The following SDC3 variants were observed in gnomAD, a reference collection of about 807,000 sequenced individuals.
SDC3 encodes syndecan-3.
SDC3 carries 13 observed loss-of-function variants against 24.4 expected under a neutral mutation model. The ratio of observed to expected loss-of-function variants is 0.53; its 90% CI spans 0.35 to 0.85. SDC3 has a LOEUF of 0.85. Ranked by LOEUF, SDC3 falls within the 40% of genes least tolerant of loss-of-function variation. The pLI, the probability that SDC3 is intolerant of heterozygous loss-of-function variation, is 0.01. For synonymous variants in SDC3, 295 were observed against 260.9 expected, an observed-to-expected ratio of 1.13 and a Z score of -1.26; for missense variants, 571 against 584.5, an observed-to-expected ratio of 0.98 and a Z score of 0.24.
In SDC3 at chr1:30,869,877, C is replaced by T. The variant is rs1452665328; in HGVS notation, c.*3334G>A. The T allele has an allele frequency of 1.8e-5, 7 of 398,540 alleles. No homozygotes were observed. Among genetic ancestry groups the T allele is most frequent in the Admixed American group, 1.3e-4 (3 of 22,712 alleles). 24.7% of individuals were successfully genotyped at this position (398,540 alleles called of 1,614,324 possible). A position where few individuals can be genotyped will look rare whatever the true frequency, so the allele number is the denominator to read the frequency against. On this transcript the variant is annotated 3_prime_UTR_variant, in exon 5 of 5. Coordinates refer to ENST00000339394, the MANE Select transcript of SDC3 (RefSeq NM_014654.4). ...GCTGCCTACGAAAAATATTTACATG[C>T]ATTTGCCACGCTGAGGCCAGGGTCA...
At position 30,870,634 on chromosome 1, in the gene SDC3, T is replaced by G. The variant is rs894360403; in HGVS notation, c.*2577A>C. Reference sequence around the variant, plus strand: ...CATCTGCCTTGGGTCCAGGGATCCATGAACAAGGCCCCTGGCCTCTTCTCT... The same window carrying G: ...CATCTGCCTTGGGTCCAGGGATCCAGGAACAAGGCCCCTGGCCTCTTCTCT... On this transcript the variant is annotated 3_prime_UTR_variant, in exon 5 of 5. Transcript: ENST00000339394. 1 of 152,214 alleles carries G rather than the reference T, an allele frequency of 6.6e-6. No homozygotes were observed. The highest frequency in any genetic ancestry group is 2.4e-5 in the African/African-American group (1 of 41,428). The allele number at this position is 152,214 out of a possible 1,614,324, so 9.4% of individuals were successfully genotyped here.
intron 1 of SDC3, among the ~76,000 whole-genome samples, chr1:30,885,247 T>C (rs918790637): frequency 7.9e-5 from 12 of 152,224 alleles, no homozygotes; most frequent in South Asian, 2.1e-4. Context: ...ATGCTGGCTA[T>C]TAATATGAGT....
Position 30,873,218 on chromosome 1 carries a change from T to C in SDC3, c.1322A>G (p.Tyr441Cys), listed in dbSNP as rs1425165949. The C allele has an allele frequency of 8.7e-6, 14 of 1,613,014 alleles. No individual in the cohort carries two copies. The highest frequency in any genetic ancestry group is 1.2e-5 in the Non-Finnish European group (14 of 1,179,124). The change falls in exon 5 of 5, where the codon TAT (tyrosine) becomes TGT (cysteine). Residue 441 changes from tyrosine (Y) to cysteine (C), a missense_variant. Transcript: ENST00000339394. ...GGAGGCACTGTGGCTCCACTAGGCA[T>C]AGAACTCCTCCTGCTTGTCAGGCTT... is the stretch of plus-strand genomic sequence containing the variant. ...YQKPDKQEEF[Y>C]A
Position 30,897,917 on chromosome 1 carries a change from C to T in SDC3, c.138+10532G>A, listed in dbSNP as rs1185487870. On this transcript the variant is annotated intron_variant, in intron 1 of 4. Transcript: ENST00000339394. Reference sequence around the variant, plus strand: ...TCAATGGGCAGAACTCAATATGTCACCTCCAAGCTCCGGCATCTCATGCTA... The same window carrying T: ...TCAATGGGCAGAACTCAATATGTCATCTCCAAGCTCCGGCATCTCATGCTA... 2.0e-5 allele frequency among the ~76,000 whole-genome samples: 3 copies of T among 152,178 alleles called. No homozygotes were observed. In the East Asian group the frequency reaches 5.8e-4, roughly 29 times the overall value.
At chr1:30,877,283 A>G in intron 2 of SDC3, 118 bp from the exon 3 acceptor site, 5 of 1,333,096 alleles carry the variant, frequency 3.8e-6, no homozygotes, top group Non-Finnish European at 5.2e-6. Flanking sequence ...TCTTTACCCA[A>G]TTTTCCCAGA....
At chr1:30,905,340 C>A (rs374504657) in intron 1 of SDC3, among the ~76,000 whole-genome samples, 1,270 of 72,156 alleles carry the variant, frequency 0.018, 38 homozygotes, top group African/African-American at 0.066. Context: ...CCCATCCGTA[C>A]TCTCTCTCTC....
chr1:30,888,325 A>G (rs531870523), intron 1 of SDC3, among the ~76,000 whole-genome samples: 3 of 152,320 alleles, frequency 2.0e-5, no homozygotes, highest in African/African-American at 4.8e-5. Context: ...GGAGGCCCCT[A>G]AGAGCAGAAG....
chr1:30,908,817 G>C (rs1638592060), upstream of SDC3: 1 of 128,046 alleles, frequency 7.8e-6, no homozygotes, highest in Non-Finnish European at 1.7e-5. Flanking sequence ...CGCCCCCAGC[G>C]CGGGCGGAAC....
rs150268331 is a variant in SDC3 at position 30,874,722 on chromosome 1, G to A, written c.871-134C>T. ...GCACTGTGCTACACACTATCCCCAT[G>A]AAGGAGTGTAACAATGCCCCCAGTT... On this transcript the variant is annotated intron_variant, in intron 3 of 4. Coordinates refer to ENST00000339394, the MANE Select transcript of SDC3 (RefSeq NM_014654.4). The A allele has an allele frequency of 4.6e-4, 375 of 818,344 alleles. 3 individuals carry two copies. The South Asian group carries it at 5.1e-3, about 11-fold the overall frequency. The allele number at this position is 818,344 out of a possible 1,614,324, so 50.7% of individuals were successfully genotyped here. A position where few individuals can be genotyped will look rare whatever the true frequency, so the allele number is the denominator to read the frequency against.
At chr1:30,893,905 T>C (rs1451996475) in intron 1 of SDC3, among the ~76,000 whole-genome samples, 1 of 152,076 alleles carries the variant, frequency 6.6e-6, no homozygotes, top group Non-Finnish European at 1.5e-5. Context: ...GTTGGTTTTT[T>C]AGTGCAGGGT....
At position 30,870,094 on chromosome 1, in the gene SDC3, C is replaced by A. The variant is rs758888795; in HGVS notation, c.*3117G>T. ...GAAATCCAGAGAACACAGGAGGCAG[C>A]CACTCCTACCCCATGAGGCAGAGGG... On this transcript the variant is annotated 3_prime_UTR_variant, in exon 5 of 5. Transcript: ENST00000339394. The A allele has an allele frequency of 1.0e-5, 4 of 394,386 alleles. No homozygotes were observed. The highest frequency in any genetic ancestry group is 1.3e-5 in the Non-Finnish European group (3 of 224,030). The allele number at this position is 394,386 out of a possible 1,614,324, so 24.4% of individuals were successfully genotyped here.
Position 30,877,161 on chromosome 1 carries a change from G to C in SDC3, c.261C>G (p.Phe87Leu), listed in dbSNP as rs373481996. 2 of 1,613,808 alleles carry C rather than the reference G, an allele frequency of 1.2e-6. No homozygotes were observed. The highest frequency in any genetic ancestry group is 1.7e-6 in the Non-Finnish European group (2 of 1,179,976). Reference protein sequence around the residue: ...DLYSGSGSGYFEQESGIETAM... With the variant: ...DLYSGSGSGYLEQESGIETAM... Reference sequence around the variant, plus strand: ...CTGTCTCAATGCCCGACTCCTGCTCGAAGTCTGAGGGGGTGGGGGAGAGGG... The same window carrying C: ...CTGTCTCAATGCCCGACTCCTGCTCCAAGTCTGAGGGGGTGGGGGAGAGGG... Residue 87 changes from phenylalanine to leucine, a missense_variant, in exon 3 of 5, where the codon TTC becomes TTG. Physicochemically the swap from Phe to Leu is conservative, Grantham distance 22. This residue lies in a region of SDC3 where 497 missense variants were observed against 471.6 expected (regional missense o/e 1.05). Coordinates refer to ENST00000339394, the MANE Select transcript of SDC3 (RefSeq NM_014654.4).
At chr1:30,884,058 C>T (rs1011885014) in intron 1 of SDC3, among the ~76,000 whole-genome samples, 2 of 152,090 alleles carry the variant, frequency 1.3e-5, no homozygotes, top group African/African-American at 4.8e-5. Flanking sequence ...AATTGGGAGC[C>T]GGGACCAGGA....
At chr1:30,894,419 GGTGA>G (rs138136502) in intron 1 of SDC3, among the ~76,000 whole-genome samples, 5 of 114,402 alleles carry the variant, frequency 4.4e-5, no homozygotes, top group African/African-American at 3.6e-5. Context: ...TGTGTGTGGG[GGTGA>G]GTGTGTGCAT....
chr1:30,869,556 A>AAC lies in SDC3; in HGVS notation c.*3654_*3655insGT, dbSNP rs1557509282. Reference sequence around the variant, plus strand: ...ACAAACAAAAAAAAAAAAAAAAAAAAAAAAACAAAAACAAAACCAGTTCCT... The same window carrying AAC: ...ACAAACAAAAAAAAAAAAAAAAAAAAACAAAAACAAAAACAAAACCAGTTCCT... On this transcript the variant is annotated 3_prime_UTR_variant, in exon 5 of 5. Transcript: ENST00000339394. 1,675 of 363,740 alleles carry AAC rather than the reference A, an allele frequency of 4.6e-3. 7 individuals are homozygous for AAC. The highest frequency in any genetic ancestry group is 0.021 in the African/African-American group (840 of 40,952). The allele number at this position is 363,740 out of a possible 1,614,324, so 22.5% of individuals were successfully genotyped here. A position where few individuals can be genotyped will look rare whatever the true frequency, so the allele number is the denominator to read the frequency against.
intron 1 of SDC3, among the ~76,000 whole-genome samples, chr1:30,887,179 C>T (rs915606235): frequency 5.3e-5 from 8 of 152,032 alleles, no homozygotes; most frequent in African/African-American, 1.4e-4. Flanking sequence ...CAGGTAGGCA[C>T]CCCCTGCCCC....
intron 1 of SDC3, 137 bp from the exon 2 acceptor site, chr1:30,878,877 A>G (rs1423900588): frequency 8.6e-6 from 6 of 697,066 alleles, no homozygotes; most frequent in Non-Finnish European, 1.3e-5. Context: ...ACCCTGAAGG[A>G]AAGTGCGTGT....
chr1:30,895,985 C>A (rs1190216825), intron 1 of SDC3, among the ~76,000 whole-genome samples: 1 of 152,194 alleles, frequency 6.6e-6, no homozygotes, highest in African/African-American at 2.4e-5. Context: ...TCTGTCCACC[C>A]TCCAGAAAGA....
intron 1 of SDC3, among the ~76,000 whole-genome samples, chr1:30,894,272 AGT>A (rs1362635402): frequency 6.9e-5 from 8 of 115,174 alleles, no homozygotes; most frequent in Admixed American, 1.7e-4. Context: ...TGTGTGGGTG[AGT>A]GTGTGTGGGG....
Sources: allele counts gnomAD v4.1 joint callset (sites outside exome capture counted in the v4.1 genomes callset), GRCh38; gene constraint gnomAD v4.1.1; regional missense constraint gnomAD v4.1.1; transcripts MANE v1.5; gene names NCBI Gene and HGNC (gene_info 2026-07-23, HGNC 2026-07-21).